The following BCAS3 variants were observed in gnomAD, a reference collection of about 807,000 sequenced individuals.
BCAS3 encodes BCAS4/BCAS3 fusion.
A neutral mutation model predicts 116.1 loss-of-function variants in BCAS3; 53 were observed. That is an observed-to-expected ratio of 0.46 (90% CI 0.37 to 0.57). BCAS3 has a LOEUF of 0.57. Among genes scored for constraint, BCAS3 ranks in the 20% least tolerant of loss-of-function variants. The pLI is 0.00. For missense variants in BCAS3, 917 were observed against 1,165.4 expected (o/e 0.79, Z 3.10); for synonymous variants, 391 against 408.2 (o/e 0.96, Z 0.51).
At chr17:61,076,219 A>G (rs1343385009) in intron 20 of BCAS3, among the ~76,000 whole-genome samples, 2 of 152,236 alleles carry the variant, frequency 1.3e-5, no homozygotes, top group African/African-American at 4.8e-5. Context: ...ACATCATTTT[A>G]TGAAGCTAAT....
rs560759506 is a variant in BCAS3, at chr17:61,313,881, G to A, written c.2426-54446G>A. On this transcript the variant is annotated intron_variant, in intron 22 of 23. Coordinates refer to ENST00000407086, the MANE Select transcript of BCAS3 (RefSeq NM_017679.5). The surrounding 1 kb of genome is among the most constrained non-coding windows in gnomAD (Gnocchi z 4.3). The stretch of plus-strand genomic sequence containing the variant: ...GCCAGTGACCACACGTGGGCCTGCT[G>A]TCTCCTCCACCAGCCCCACTCGCCC... 2.6e-5 allele frequency among the ~76,000 whole-genome samples: 4 copies of A among 152,322 alleles called. No individual in the cohort carries two copies. The highest frequency in any genetic ancestry group is 9.6e-5 in the African/African-American group (4 of 41,564).
intron 22 of BCAS3, among the ~76,000 whole-genome samples, chr17:61,234,794 A>G (rs2082902502): frequency 6.6e-6 from 1 of 152,106 alleles, no homozygotes; most frequent in South Asian, 2.1e-4. Context: ...AAAAAAAAAA[A>G]AAAAAAAAAA....
chr17:60,802,892 C>T (rs1197161959), intron 6 of BCAS3, among the ~76,000 whole-genome samples: 1 of 152,238 alleles, frequency 6.6e-6, no homozygotes, highest in Non-Finnish European at 1.5e-5. Context: ...GCTGAGATTA[C>T]AGGCGTGAGC....
At chr17:60,836,046 G>A (rs1382284496) in intron 7 of BCAS3, among the ~76,000 whole-genome samples, 2 of 152,022 alleles carry the variant, frequency 1.3e-5, no homozygotes, top group South Asian at 2.1e-4. Context: ...GAGTTTTAGG[G>A]TCACAGCAAA....
rs760722353 is a variant in BCAS3, at chr17:60,910,639, G to A, written c.930G>A (p.Arg310=). Residue 310 remains arginine (R), a synonymous_variant, in exon 12 of 24, where the codon CGG becomes CGA. Transcript: ENST00000407086. The part of the protein sequence containing the change: ...EDDVAIHSNS[R]RSPLVPGIIT... Reference sequence around the variant, plus strand: ...ATGTTGCCATCCACAGTAATTCACGGCGGAGTCCTTTGGTCCCAGGCATCA... The same window carrying A: ...ATGTTGCCATCCACAGTAATTCACGACGGAGTCCTTTGGTCCCAGGCATCA... The A allele has an allele frequency of 1.9e-5, 30 of 1,613,248 alleles. No homozygotes were observed. The highest frequency in any genetic ancestry group is 2.5e-5 in the Non-Finnish European group (29 of 1,179,714).
In BCAS3 at chr17:61,118,628, T is replaced by C. The variant is rs1052440192; in HGVS notation, c.2425+34064T>C. On this transcript the variant is annotated intron_variant, in intron 22 of 23. Coordinates refer to ENST00000407086, the MANE Select transcript of BCAS3 (RefSeq NM_017679.5). This position sits in a 1 kb window ranked among gnomAD's most constrained non-coding sequence, Gnocchi z 5.0. ...ACTTGGCCTTTCCCACTGTGGGTGG[T>C]GGGGGTGCTGCAAGTTTTTGTGTGG... 1.5e-4 allele frequency among the ~76,000 whole-genome samples: 23 copies of C among 152,008 alleles called. No individual in the cohort carries two copies. Among genetic ancestry groups the C allele is most frequent in the African/African-American group, 5.6e-4 (23 of 41,382 alleles).
chr17:60,825,328 T>C (rs2050290477), intron 7 of BCAS3, among the ~76,000 whole-genome samples: 1 of 151,502 alleles, frequency 6.6e-6, no homozygotes, highest in Admixed American at 6.6e-5. Context: ...ATTTTGAAAA[T>C]ATAGATAATA....
At chr17:60,831,957 G>A (rs1387643198) in intron 7 of BCAS3, among the ~76,000 whole-genome samples, 3 of 151,902 alleles carry the variant, frequency 2.0e-5, no homozygotes, top group South Asian at 2.1e-4. Flanking sequence ...AGTTTTGTCC[G>A]TGCACCTTTC....
At chr17:60,889,400 A>G (rs932153628) in intron 9 of BCAS3, among the ~76,000 whole-genome samples, 31 of 152,142 alleles carry the variant, frequency 2.0e-4, no homozygotes, top group African/African-American at 7.0e-4. Flanking sequence ...TGTTAACTTC[A>G]TTCTCATGTT....
rs192408059 is a variant in BCAS3 at position 61,245,797 on chromosome 17, T to C, written c.2426-122530T>C. On this transcript the variant is annotated intron_variant, in intron 22 of 23. Transcript: ENST00000407086. ...CTTCTTTTTCATGTTAATGAAGTTC[T>C]GTCTCATTGAAAGAAAAAAAAAGAG... Among the ~76,000 whole-genome samples, 3 of 151,156 alleles carry C rather than the reference T, an allele frequency of 2.0e-5. No homozygotes were observed. In the South Asian group the frequency reaches 6.4e-4, roughly 32 times the overall value.
chr17:61,273,935 T>A (rs1229918209), intron 22 of BCAS3, among the ~76,000 whole-genome samples: 2 of 151,134 alleles, frequency 1.3e-5, no homozygotes, highest in Non-Finnish European at 2.9e-5. Flanking sequence ...CCCCACTGGC[T>A]TAATTTATTT....
chr17:61,263,116 ACACAGAAGTGTT>A (rs1199198300), intron 22 of BCAS3, among the ~76,000 whole-genome samples: 2 of 152,260 alleles, frequency 1.3e-5, no homozygotes, highest in African/African-American at 4.8e-5. Flanking sequence ...CCAATGGCAC[ACACAGAAGTGTT>A]CACCGAGGGG....
Position 61,366,094 on chromosome 17 carries a change from G to T in BCAS3, c.2426-2233G>T, listed in dbSNP as rs1213604831. Among the ~76,000 whole-genome samples the T allele has an allele frequency of 6.7e-6, 1 of 149,756 alleles. No homozygotes were observed. Among genetic ancestry groups the T allele is most frequent in the Non-Finnish European group, 1.5e-5 (1 of 67,820 alleles). On this transcript the variant is annotated intron_variant, in intron 22 of 23. Transcript: ENST00000407086. The surrounding 1 kb of genome is among the most constrained non-coding windows in gnomAD (Gnocchi z 4.5). ...GGAGGCAGAGGTTGCCGTGAGCCAA[G>T]ATCATACCACTGCACTCCATCCTGG...
chr17:60,811,519 GT>G, intron 7 of BCAS3: 1 of 373,734 alleles, frequency 2.7e-6, no homozygotes, highest in East Asian at 6.6e-5. Flanking sequence ...AAGTTCAGAG[GT>G]AAAAAAAAAA....
intron 22 of BCAS3, among the ~76,000 whole-genome samples, chr17:61,178,843 A>G (rs928009607): frequency 6.6e-6 from 1 of 152,202 alleles, no homozygotes; most frequent in African/African-American, 2.4e-5. Flanking sequence ...AAATGTGGAA[A>G]GAACAAATGA....
intron 14 of BCAS3, among the ~76,000 whole-genome samples, chr17:60,985,730 AT>A (rs1484599878): frequency 1.3e-5 from 2 of 151,332 alleles, no homozygotes; most frequent in Non-Finnish European, 2.9e-5. Context: ...TGAGTTTATT[AT>A]TTTGTTTTAT....
intron 2 of BCAS3, among the ~76,000 whole-genome samples, chr17:60,680,326 AT>A (rs933248778): frequency 2.0e-5 from 3 of 152,122 alleles, no homozygotes; most frequent in African/African-American, 7.2e-5. Context: ...GGTTTGTTAT[AT>A]AGGGAAACTC....
chr17:61,180,821 G>C lies in BCAS3; in HGVS notation c.2425+96257G>C, dbSNP rs752977088. Among the ~76,000 whole-genome samples, 7 of 152,202 alleles carry C rather than the reference G, an allele frequency of 4.6e-5. No individual in the cohort carries two copies. Among genetic ancestry groups the C allele is most frequent in the Non-Finnish European group, 7.3e-5 (5 of 68,032 alleles). On this transcript the variant is annotated intron_variant, in intron 22 of 23. Transcript: ENST00000407086. This position sits in a 1 kb window ranked among gnomAD's most constrained non-coding sequence, Gnocchi z 6.0. ...GAGGGGGAAATAAGACAACCATGTA[G>C]AGCCTGAGAATAGAATATAAGCTTC...
intron 6 of BCAS3, among the ~76,000 whole-genome samples, chr17:60,759,539 G>C (rs2043308673): frequency 6.6e-6 from 1 of 150,454 alleles, no homozygotes; most frequent in African/African-American, 2.4e-5. Flanking sequence ...TTCGCTTTAT[G>C]AATCTGGATG....
Sources: gnomAD v4.1 joint callset for allele counts (sites outside exome capture counted in the v4.1 genomes callset) on GRCh38, gnomAD v4.1.1 for gene constraint, Gnocchi (gnomAD v3.1) non-coding constraint, MANE v1.5 for transcripts, NCBI Gene and HGNC (gene_info 2026-07-23, HGNC 2026-07-21) for gene names.